IL16: variants seen among roughly 807,000 people sequenced by gnomAD.
IL16 encodes pro-interleukin-16.
IL16 carries 67 observed loss-of-function variants against 110.1 expected under a neutral mutation model. The observed-to-expected ratio is 0.61, with a 90% confidence interval of 0.50 to 0.75. IL16 has a LOEUF of 0.75. Ranked by LOEUF, IL16 falls within the 30% of genes least tolerant of loss-of-function variation. IL16 has a pLI of 0.00. For synonymous variants in IL16, 689 were observed against 662.9 expected (o/e 1.04, Z -0.61); for missense variants, 1,545 against 1,655.0 (o/e 0.93, Z 1.15).
upstream of IL16, among the ~76,000 whole-genome samples, chr15:81,192,752 T>G (rs1345542775): frequency 6.6e-6 from 1 of 152,188 alleles, no homozygotes; most frequent in Non-Finnish European, 1.5e-5. Flanking sequence ...GGAACCAGAA[T>G]CCCAGTTAGA....
intron 1 of IL16, among the ~76,000 whole-genome samples, chr15:81,186,148 A>G (rs1340515249): frequency 6.6e-6 from 1 of 152,336 alleles, no homozygotes; most frequent in East Asian, 1.9e-4. Context: ...AGCCCTCAGT[A>G]ATACCAGCAG....
intron 2 of IL16, among the ~76,000 whole-genome samples, chr15:81,247,185 C>T (rs773939815): frequency 4.1e-5 from 6 of 145,936 alleles, no homozygotes; most frequent in Admixed American, 7.0e-5. Flanking sequence ...CCCTATTATA[C>T]GTGTATTTTT....
intron 1 of IL16, among the ~76,000 whole-genome samples, chr15:81,220,448 C>A (rs555150258): frequency 1.5e-4 from 23 of 152,310 alleles, no homozygotes; most frequent in Admixed American, 1.4e-3. Context: ...AGCCACTGTA[C>A]CCCACCTAAG....
At chr15:81,236,289 C>T (rs990863716) in intron 2 of IL16, among the ~76,000 whole-genome samples, 2 of 152,200 alleles carry the variant, frequency 1.3e-5, no homozygotes, top group African/African-American at 4.8e-5. Context: ...AAGTGGGAAA[C>T]CCAATCTTTT....
At chr15:81,265,531 G>A (rs988570228) in intron 3 of IL16, 128 bp from the exon 4 acceptor site, 12 of 986,304 alleles carry the variant, frequency 1.2e-5, no homozygotes, top group East Asian at 5.2e-5. Context: ...CACGCACCTG[G>A]CACAGGGTGT....
At chr15:81,253,561 C>T (rs974601465) in intron 2 of IL16, among the ~76,000 whole-genome samples, 1 of 152,134 alleles carries the variant, frequency 6.6e-6, no homozygotes, top group African/African-American at 2.4e-5. Flanking sequence ...AGATTTACTC[C>T]TATATTTTCT....
chr15:81,297,523 C>T (rs138397724), intron 13 of IL16, among the ~76,000 whole-genome samples: 10 of 152,296 alleles, frequency 6.6e-5, no homozygotes, highest in African/African-American at 2.4e-4. Context: ...AGGTGGATAG[C>T]AAGGGTGTGT....
chr15:81,207,585 C>T (rs1429729009), intron 1 of IL16, among the ~76,000 whole-genome samples: 1 of 148,028 alleles, frequency 6.8e-6, no homozygotes, highest in Non-Finnish European at 1.5e-5. Flanking sequence ...TGTGGCCAAT[C>T]TTTAGCTCCT....
At chr15:81,204,383 G>A (rs1195858588) in intron 1 of IL16, among the ~76,000 whole-genome samples, 5 of 152,136 alleles carry the variant, frequency 3.3e-5, no homozygotes, top group Admixed American at 3.3e-4. Flanking sequence ...GTGAGAGAGG[G>A]CTTCCCTGTC....
At chr15:81,224,299 A>G (rs1449390071) in intron 1 of IL16, among the ~76,000 whole-genome samples, 1 of 152,218 alleles carries the variant, frequency 6.6e-6, no homozygotes, top group African/African-American at 2.4e-5. Flanking sequence ...AGCATCCCAC[A>G]ATTTGTTGTT....
chr15:81,306,420 C>T lies in IL16; in HGVS notation c.3680C>T (p.Thr1227Ile), dbSNP rs1900562409. 1.2e-6 allele frequency: 2 copies of T among 1,613,768 alleles called. No homozygotes were observed. The highest frequency in any genetic ancestry group is 1.7e-5 in the Admixed American group (1 of 59,994). ...AACAGAGACCTTGTGTTTTTCTCAG[C>T]AGCAGAGGCCACAGTCTGCACGGTG... ...SAASDVSVES[T>I]AEATVCTVTL... is the part of the protein sequence containing the mutation. Residue 1227 changes from threonine to isoleucine, a missense_variant and splice_region_variant, in exon 18 of 19, where the codon ACA (threonine) becomes ATA (isoleucine). Coordinates refer to ENST00000683961, the MANE Select transcript of IL16 (RefSeq NM_172217.5).
chr15:81,201,547 A>G (rs1181927860), intron 1 of IL16, among the ~76,000 whole-genome samples: 1 of 152,180 alleles, frequency 6.6e-6, no homozygotes, highest in African/African-American at 2.4e-5. Flanking sequence ...TATTTCTTCC[A>G]GTAGGCAGAT....
chr15:81,286,868 C>T (rs1899474450), intron 10 of IL16, among the ~76,000 whole-genome samples: 1 of 152,124 alleles, frequency 6.6e-6, no homozygotes, highest in Admixed American at 6.5e-5. Flanking sequence ...GGGGAGGCCT[C>T]ACAATCACAG....
intron 2 of IL16, among the ~76,000 whole-genome samples, chr15:81,252,101 A>G (rs757002221): frequency 3.3e-5 from 5 of 152,222 alleles, no homozygotes; most frequent in African/African-American, 7.2e-5. Flanking sequence ...GGACATCACT[A>G]CAAAGGTTCT....
intron 3 of IL16, among the ~76,000 whole-genome samples, chr15:81,264,605 C>T (rs1038955472): frequency 2.0e-5 from 3 of 152,198 alleles, no homozygotes; most frequent in African/African-American, 7.2e-5. Flanking sequence ...AAAAGCCTGT[C>T]CATTCACTCG....
intron 1 of IL16, among the ~76,000 whole-genome samples, chr15:81,183,898 G>A (rs919653964): frequency 1.3e-5 from 2 of 152,206 alleles, no homozygotes; most frequent in African/African-American, 4.8e-5. Context: ...GAGGACGGCA[G>A]AAACAATAAC....
chr15:81,248,580 C>A lies in IL16; in HGVS notation c.313-11192C>A, dbSNP rs1245934774. On this transcript the variant is annotated intron_variant, in intron 2 of 18. Transcript: ENST00000683961. ...TCTTAAATTATAAGTAAAATTATTT[C>A]ATGTTTAATACTTATTCCATTTTCC... Among the ~76,000 whole-genome samples the A allele has an allele frequency of 2.0e-5, 3 of 150,048 alleles. No individual in the cohort carries two copies. The East Asian group carries it at 5.8e-4, about 29-fold the overall frequency.
chr15:81,199,120 G>A (rs66709425), intron 1 of IL16, among the ~76,000 whole-genome samples: 12,258 of 148,524 alleles, frequency 0.083, 527 homozygotes, highest in Middle Eastern at 0.11. Flanking sequence ...TATAGGTTAC[G>A]TTTTGCTATT....
At chr15:81,187,461 G>A (rs1233805384) in intron 1 of IL16, among the ~76,000 whole-genome samples, 1 of 152,094 alleles carries the variant, frequency 6.6e-6, no homozygotes, top group Non-Finnish European at 1.5e-5. Context: ...TGGGTGTGAC[G>A]GTGCACACCT....
Sources: allele counts gnomAD v4.1 joint callset (sites outside exome capture counted in the v4.1 genomes callset), GRCh38; gene constraint gnomAD v4.1.1; transcripts MANE v1.5; gene names NCBI Gene and HGNC (gene_info 2026-07-23, HGNC 2026-07-21).